Variants in ASPH observed in about 807,000 individuals in gnomAD.
ASPH encodes the protein aspartate beta-hydroxylase.
Under a neutral mutation model 118.4 loss-of-function variants are expected in ASPH, and 100 were observed. That is an observed-to-expected ratio of 0.84 (90% CI 0.72 to 1.00). ASPH has a LOEUF of 1.00. Among genes scored for constraint, ASPH ranks in the 50% least tolerant of loss-of-function variants. The pLI is 0.00. For synonymous variants in ASPH, 315 were observed against 325.6 expected, an observed-to-expected ratio of 0.97 and a Z score of 0.35; for missense variants, 920 against 919.5, an observed-to-expected ratio of 1.00 and a Z score of -0.01.
At chr8:61,539,370 C>T (rs944157347) in intron 21 of ASPH, among the ~76,000 whole-genome samples, 28 of 151,914 alleles carry the variant, frequency 1.8e-4, no homozygotes, top group Admixed American at 1.5e-3. Context: ...CAGGAGAGAC[C>T]GAGGCAAATT....
chr8:61,553,255 G>A, intron 19 of ASPH, 135 bp from the exon 20 acceptor site: 4 of 625,134 alleles, frequency 6.4e-6, no homozygotes, highest in Middle Eastern at 4.1e-4. Context: ...ATTAAACTTT[G>A]GGAATGAGGT....
At chr8:61,689,726 T>G in intron 1 of ASPH, 1 of 1,550,268 alleles carries the variant, frequency 6.5e-7, no homozygotes, top group Non-Finnish European at 8.7e-7. Context: ...AATGCTAAAG[T>G]AAAACAAAAC....
chr8:61,658,878 A>G (rs888923815), intron 3 of ASPH: 3 of 152,222 alleles, frequency 2.0e-5, no homozygotes, highest in Non-Finnish European at 4.4e-5. Flanking sequence ...TCACCATTCA[A>G]TAAACAAACA....
At chr8:61,571,199 G>T (rs1371798050) in intron 16 of ASPH, among the ~76,000 whole-genome samples, 2 of 151,998 alleles carry the variant, frequency 1.3e-5, no homozygotes, top group Admixed American at 1.3e-4. Flanking sequence ...GCTAAATTTT[G>T]CTGTATGCCA....
chr8:61,646,969 G>A (rs765874720), intron 5 of ASPH, 91 bp from the exon 6 acceptor site: 140 of 1,559,056 alleles, frequency 9.0e-5, no homozygotes, highest in Non-Finnish European at 1.2e-4. Context: ...TCCTGCTGCT[G>A]GGGCTTCCCC....
chr8:61,595,329 A>G (rs1404307569), intron 14 of ASPH, among the ~76,000 whole-genome samples: 1 of 152,198 alleles, frequency 6.6e-6, no homozygotes. Context: ...TGAAGTGACA[A>G]ACTATTTCTG....
chr8:61,626,092 AAAG>A lies in ASPH; in HGVS notation c.935-7076_935-7074del, dbSNP rs1404352642. ...CATTTTTAGAAATGTGTGTTTCTAA[AAAG>A]AAAAAAAAATACACTAAAATGCCAG... On this transcript the variant is annotated intron_variant, in intron 13 of 24. Coordinates refer to ENST00000379454, the MANE Select transcript of ASPH (RefSeq NM_004318.4). 4 of 1,247,312 alleles carry A rather than the reference AAAG, an allele frequency of 3.2e-6. No individual in the cohort carries two copies. The African/African-American group carries it at 6.2e-5, about 19-fold the overall frequency. The allele number at this position is 1,247,312 out of a possible 1,614,324, so 77.3% of individuals were successfully genotyped here.
intron 22 of ASPH, among the ~76,000 whole-genome samples, chr8:61,525,302 C>T (rs1025696650): frequency 6.6e-6 from 1 of 151,872 alleles, no homozygotes; most frequent in Non-Finnish European, 1.5e-5. Flanking sequence ...GTCTTAAATG[C>T]TCCTCATTTT....
chr8:61,651,243 C>T, intron 4 of ASPH, 119 bp from the exon 5 acceptor site: 1 of 716,632 alleles, frequency 1.4e-6, no homozygotes, highest in South Asian at 2.1e-5. Context: ...CTAAGCAACT[C>T]TGCATGCCTT....
chr8:61,703,252 CT>C (rs1432529798), intron 1 of ASPH, among the ~76,000 whole-genome samples: 1 of 152,124 alleles, frequency 6.6e-6, no homozygotes, highest in Non-Finnish European at 1.5e-5. Flanking sequence ...AGGATGTCTA[CT>C]CTCATCACTG....
At chr8:61,504,112 A>G (rs1168193120) in intron 24 of ASPH, among the ~76,000 whole-genome samples, 3 of 152,170 alleles carry the variant, frequency 2.0e-5, no homozygotes, top group Non-Finnish European at 4.4e-5. Context: ...CAATGCTGCA[A>G]AACACCCTAT....
intron 15 of ASPH, among the ~76,000 whole-genome samples, chr8:61,580,979 C>T (rs774729133): frequency 2.0e-5 from 3 of 152,178 alleles, no homozygotes; most frequent in Non-Finnish European, 2.9e-5. Context: ...ACTGTCAAAG[C>T]TATTTCAATG....
intron 21 of ASPH, among the ~76,000 whole-genome samples, chr8:61,538,441 T>C (rs1029651165): frequency 2.0e-5 from 3 of 152,368 alleles, no homozygotes; most frequent in African/African-American, 4.8e-5. Flanking sequence ...AAGTAAATTA[T>C]ATAAATTATT....
At chr8:61,576,301 C>T (rs1050972269) in intron 16 of ASPH, among the ~76,000 whole-genome samples, 13 of 152,064 alleles carry the variant, frequency 8.5e-5, no homozygotes, top group African/African-American at 2.2e-4. Context: ...AGAAAGGAGA[C>T]GGTGGGAGAT....
intron 7 of ASPH, among the ~76,000 whole-genome samples, chr8:61,644,207 C>T (rs1271736596): frequency 6.6e-6 from 1 of 152,258 alleles, no homozygotes; most frequent in African/African-American, 2.4e-5. Context: ...CTGTCATCAA[C>T]TGGTTTACAC....
chr8:61,584,852 CTTT>C (rs1206624196), intron 14 of ASPH, among the ~76,000 whole-genome samples: 1 of 152,168 alleles, frequency 6.6e-6, no homozygotes, highest in African/African-American at 2.4e-5. Context: ...AAAGCCTGTT[CTTT>C]ATCTTCTTCT....
intron 16 of ASPH, among the ~76,000 whole-genome samples, chr8:61,573,682 C>T (rs997733286): frequency 6.6e-6 from 1 of 152,038 alleles, no homozygotes; most frequent in Non-Finnish European, 1.5e-5. Flanking sequence ...TGAAACTGGA[C>T]CCTTTCCTTA....
At position 61,684,116 on chromosome 8, in the gene ASPH, A is replaced by G. The variant is rs779961202; in HGVS notation, c.176T>C (p.Met59Thr). 1 of 1,613,784 alleles carries G rather than the reference A, an allele frequency of 6.2e-7. No individual in the cohort carries two copies. The highest frequency in any genetic ancestry group is 8.5e-7 in the Non-Finnish European group (1 of 1,179,784). ...LSGTSFFTWF[M>T]VIALLGVWTS... ...CCAGACGCCCAGCAATGCAATCACC[A>G]TAAACCACGTGAAGAATGAAGTTCC... Residue 59 changes from methionine to threonine, a missense_variant, in exon 2 of 25, where the codon ATG becomes ACG. Transcript: ENST00000379454.
chr8:61,653,711 T>C, intron 3 of ASPH, 51 bp from the exon 4 acceptor site: 1 of 1,556,314 alleles, frequency 6.4e-7, no homozygotes, highest in Non-Finnish European at 8.8e-7. Flanking sequence ...GGGTTTTCTG[T>C]CACATTAAAC....
Sources: allele counts gnomAD v4.1 joint callset (sites outside exome capture counted in the v4.1 genomes callset), GRCh38; gene constraint gnomAD v4.1.1; transcripts MANE v1.5; gene names NCBI Gene and HGNC (gene_info 2026-07-23, HGNC 2026-07-21).